Variants in ZNF106 observed in about 807,000 individuals in gnomAD.
The protein encoded by ZNF106 is zinc finger protein 106.
In ZNF106, 67 loss-of-function variants were observed where a neutral mutation model predicts 195.1. That is an observed-to-expected ratio of 0.34 (90% CI 0.28 to 0.42). ZNF106 has a LOEUF of 0.42. Ranked by LOEUF, ZNF106 falls within the 10% of genes least tolerant of loss-of-function variation. The pLI is 1.00. For synonymous variants in ZNF106, 784 were observed against 818.6 expected (o/e 0.96, Z 0.72); for missense variants, 2,118 against 2,304.5 (o/e 0.92, Z 1.66).
intron 2 of ZNF106, among the ~76,000 whole-genome samples, chr15:42,471,114 G>A (rs1297430718): frequency 6.6e-6 from 1 of 152,114 alleles, no homozygotes; most frequent in Non-Finnish European, 1.5e-5. Flanking sequence ...GAGCCTTCTT[G>A]CCAACTCCTA....
intron 20 of ZNF106, 53 bp downstream of exon 20, chr15:42,421,008 T>A: frequency 6.6e-7 from 1 of 1,518,226 alleles, no homozygotes; most frequent in South Asian, 1.1e-5. Flanking sequence ...TCAATTAGCC[T>A]AGGGTGAAGC....
At chr15:42,466,010 C>G in intron 3 of ZNF106, 43 bp downstream of exon 3, 2 of 1,479,190 alleles carry the variant, frequency 1.4e-6, no homozygotes, top group Non-Finnish European at 1.8e-6. Context: ...TCACTCAGAT[C>G]CACCCACATT....
intron 16 of ZNF106, chr15:42,424,420 T>G (rs2054779989): frequency 7.1e-6 from 2 of 282,418 alleles, no homozygotes; most frequent in Non-Finnish European, 1.3e-5. Flanking sequence ...CCTTGCTCTT[T>G]CCAAGGTGGT....
At position 42,428,053 on chromosome 15, in the gene ZNF106, G is replaced by A. The variant is rs773671840; in HGVS notation, c.4963C>T (p.Leu1655=). The A allele has an allele frequency of 6.2e-7, 1 of 1,613,990 alleles. No individual in the cohort carries two copies. Among genetic ancestry groups the A allele is most frequent in the African/African-American group, 1.3e-5 (1 of 74,924 alleles). ...AAGGTGACCACAGTGCCATTTGCCAGTCCCGCATAGAGGATTCGCCATCTA... is the reference window on the plus strand; with the variant it reads ...AAGGTGACCACAGTGCCATTTGCCAATCCCGCATAGAGGATTCGCCATCTA... The part of the protein sequence containing the change: ...HSRWRILYAG[L]ANGTVVTFNI... The change falls in exon 15 of 22, where the codon CTG becomes TTG. Residue 1655 remains leucine (L), a synonymous_variant. Transcript: ENST00000564754.
intron 14 of ZNF106, among the ~76,000 whole-genome samples, chr15:42,431,964 A>C (rs2055063526): frequency 6.6e-6 from 1 of 152,182 alleles, no homozygotes. Flanking sequence ...TTAGTAGTCT[A>C]TCAATTATTG....
At chr15:42,437,011 T>C (rs1421223207) in intron 13 of ZNF106, among the ~76,000 whole-genome samples, 2 of 152,138 alleles carry the variant, frequency 1.3e-5, no homozygotes, top group African/African-American at 4.8e-5. Context: ...GGAACTAGCT[T>C]TCAGGAAGAG....
In ZNF106 at chr15:42,413,199, G is replaced by A. The variant is rs2054327335; in HGVS notation, c.*4105C>T. ...ACTTGGGCTTGGAGGTGAGGTTAGA[G>A]GTTACTGTCTAATACAGTAGGTCTG... On this transcript the variant is annotated 3_prime_UTR_variant, in exon 22 of 22. Coordinates refer to ENST00000564754, the MANE Select transcript of ZNF106 (RefSeq NM_001366845.3). 1 of 152,168 alleles carries A rather than the reference G, an allele frequency of 6.6e-6. No homozygotes were observed. Among genetic ancestry groups the A allele is most frequent in the Non-Finnish European group, 1.5e-5 (1 of 68,030 alleles). The allele number at this position is 152,168 out of a possible 1,614,324, so 9.4% of individuals were successfully genotyped here.
At position 42,414,310 on chromosome 15, in the gene ZNF106, C is replaced by G. The variant is rs2054368006; in HGVS notation, c.*2994G>C. The G allele has an allele frequency of 6.6e-6, 1 of 152,302 alleles. No homozygotes were observed. The highest frequency in any genetic ancestry group is 2.4e-5 in the African/African-American group (1 of 41,554). The allele number at this position is 152,302 out of a possible 1,614,324, so 9.4% of individuals were successfully genotyped here. A position where few individuals can be genotyped will look rare whatever the true frequency, so the allele number is the denominator to read the frequency against. ...ACTCTTGTAAGTAGTAACACACAGC[C>G]ATAAGCAGCCAAAATGCTTATGGTC... On this transcript the variant is annotated 3_prime_UTR_variant, in exon 22 of 22. Transcript: ENST00000564754.
chr15:42,447,266 G>A (rs1009724816), intron 6 of ZNF106, among the ~76,000 whole-genome samples: 3 of 152,162 alleles, frequency 2.0e-5, no homozygotes, highest in Non-Finnish European at 2.9e-5. Context: ...TGTAGTCCCC[G>A]CTACTTGGGA....
At chr15:42,445,100 T>A in intron 7 of ZNF106, 119 bp from the exon 8 acceptor site, 3 of 1,187,818 alleles carry the variant, frequency 2.5e-6, no homozygotes, top group Non-Finnish European at 3.5e-6. Flanking sequence ...CCTCAGTAGG[T>A]CATTGGAAAT....
intron 2 of ZNF106, among the ~76,000 whole-genome samples, chr15:42,470,946 A>C (rs1236850446): frequency 6.6e-6 from 1 of 152,214 alleles, no homozygotes; most frequent in Non-Finnish European, 1.5e-5. Context: ...CATCACTAAC[A>C]GAAATCTAGA....
Position 42,438,676 on chromosome 15 carries a change from TA to T in ZNF106, c.4545-10del, listed in dbSNP as rs972056664. 3.1e-6 allele frequency: 5 copies of T among 1,613,068 alleles called. No individual in the cohort carries two copies. The highest frequency in any genetic ancestry group is 4.2e-6 in the Non-Finnish European group (5 of 1,179,452). Reference sequence around the variant, plus strand: ...TCTGAGTTTCTGCCACACTACAAAATAATAGCAAAAGTGTTCTCAGCATCTG... The same window carrying T: ...TCTGAGTTTCTGCCACACTACAAAATATAGCAAAAGTGTTCTCAGCATCTG... On this transcript the variant is annotated splice_polypyrimidine_tract_variant and intron_variant, in intron 11 of 21. Transcript: ENST00000564754.
At position 42,443,176 on chromosome 15, in the gene ZNF106, A is replaced by G. The variant is rs184361072; in HGVS notation, c.3422-762T>C. On this transcript the variant is annotated intron_variant, in intron 9 of 21. Coordinates refer to ENST00000564754, the MANE Select transcript of ZNF106 (RefSeq NM_001366845.3). ...AGGCACTGTGCCTAGCAACATTCCA[A>G]TTTTTCAAATTTTAAATGACTTATC... Among the ~76,000 whole-genome samples the G allele has an allele frequency of 2.4e-3, 367 of 152,242 alleles. 2 individuals are homozygous for G. Among genetic ancestry groups the G allele is most frequent in the Non-Finnish European group, 4.4e-3 (300 of 68,008 alleles).
chr15:42,423,627 C>T (rs1210168714), intron 17 of ZNF106, among the ~76,000 whole-genome samples: 2 of 152,146 alleles, frequency 1.3e-5, no homozygotes, highest in African/African-American at 4.8e-5. Flanking sequence ...ATCTTCCCAC[C>T]TCAGCCTTCT....
At chr15:42,483,356 C>T (rs1025112666) in intron 1 of ZNF106, among the ~76,000 whole-genome samples, 2 of 152,248 alleles carry the variant, frequency 1.3e-5, no homozygotes, top group Admixed American at 6.5e-5. Flanking sequence ...AATGCTCAAG[C>T]GGGACAGACT....
chr15:42,463,788 G>A (rs1186773406), intron 3 of ZNF106, among the ~76,000 whole-genome samples: 2 of 152,158 alleles, frequency 1.3e-5, no homozygotes, highest in Non-Finnish European at 1.5e-5. Context: ...GACAGAGTGA[G>A]TGAGACCCTG....
chr15:42,475,635 T>C (rs1465164339), intron 1 of ZNF106, among the ~76,000 whole-genome samples: 1 of 152,220 alleles, frequency 6.6e-6, no homozygotes, highest in Non-Finnish European at 1.5e-5. Flanking sequence ...TGTTAAGTGC[T>C]GTAGCATACT....
chr15:42,464,334 C>T (rs1479761999), intron 3 of ZNF106, among the ~76,000 whole-genome samples: 10 of 143,068 alleles, frequency 7.0e-5, no homozygotes, highest in East Asian at 2.0e-4. Context: ...AGTGAGACTC[C>T]GTCTCAAAAA....
At chr15:42,451,982 G>C (rs779349298) in intron 4 of ZNF106, 28 bp from the exon 5 acceptor site, 1 of 1,579,808 alleles carries the variant, frequency 6.3e-7, no homozygotes. Context: ...TTTCATTAGC[G>C]ATTTAAAGGA....
Sources: gnomAD v4.1 joint callset for allele counts (sites outside exome capture counted in the v4.1 genomes callset) on GRCh38, gnomAD v4.1.1 for gene constraint, MANE v1.5 for transcripts, NCBI Gene and HGNC (gene_info 2026-07-23, HGNC 2026-07-21) for gene names.